Variants in LEUTX observed in about 807,000 individuals in gnomAD.
LEUTX encodes paired-like homeodomain transcription factor LEUTX.
In LEUTX, 5 loss-of-function variants were observed where a neutral mutation model predicts 4.5. The observed-to-expected ratio is 1.11, with a 90% CI of 0.58 to 2.34. LEUTX has a LOEUF of 2.34. Among genes scored for constraint, LEUTX ranks in the 30% most tolerant of loss-of-function variants. LEUTX has a pLI of 0.01. For synonymous variants in LEUTX, 89 were observed against 85.1 expected, an observed-to-expected ratio of 1.05 and a Z score of -0.25; for missense variants, 233 against 239.4, an observed-to-expected ratio of 0.97 and a Z score of 0.18.
intron 2 of LEUTX, 66 bp from the exon 3 acceptor site, chr19:39,785,632 A>C: frequency 7.8e-7 from 1 of 1,287,420 alleles, no homozygotes; most frequent in Non-Finnish European, 1.1e-6. Flanking sequence ...CGAATTCCTG[A>C]GGAACATGAG....
chr19:39,781,321 A>G (rs1967883431), intron 1 of LEUTX, among the ~76,000 whole-genome samples: 2 of 152,322 alleles, frequency 1.3e-5, no homozygotes, highest in African/African-American at 4.8e-5. Flanking sequence ...CATCCTGAAA[A>G]TAGAAACTTT....
At chr19:39,779,488 A>G (rs1013803375) in intron 1 of LEUTX, among the ~76,000 whole-genome samples, 2 of 152,132 alleles carry the variant, frequency 1.3e-5, no homozygotes, top group Non-Finnish European at 2.9e-5. Flanking sequence ...TTATATTTAT[A>G]TCATTTCCCA....
chr19:39,785,583 G>A, intron 2 of LEUTX, 115 bp from the exon 3 acceptor site: 2 of 780,712 alleles, frequency 2.6e-6, no homozygotes, highest in Non-Finnish European at 4.1e-6. Context: ...GGCTTCCCTT[G>A]TTCCAATAAA....
chr19:39,779,172 G>A (rs985506679), intron 1 of LEUTX, among the ~76,000 whole-genome samples: 2 of 152,010 alleles, frequency 1.3e-5, no homozygotes, highest in South Asian at 2.1e-4. Flanking sequence ...GGCTGGCCTC[G>A]AGCTCCTAGG....
intron 1 of LEUTX, among the ~76,000 whole-genome samples, chr19:39,784,312 A>AT (rs1022531479): frequency 1.3e-5 from 2 of 151,886 alleles, no homozygotes; most frequent in Non-Finnish European, 2.9e-5. Flanking sequence ...AACTAATGTG[A>AT]TTTTTTGGGG....
chr19:39,781,983 A>T (rs1343471283), intron 1 of LEUTX, among the ~76,000 whole-genome samples: 1 of 152,138 alleles, frequency 6.6e-6, no homozygotes, highest in East Asian at 1.9e-4. Flanking sequence ...CAGAGCTAGT[A>T]AATGAGAGAA....
chr19:39,780,294 T>C lies in LEUTX; in HGVS notation c.7+1367T>C, dbSNP rs73546621. On this transcript the variant is annotated intron_variant, in intron 1 of 2. Transcript: ENST00000638280. ...CCTCGATTTTACCTCCTATAACTTA[T>C]CAATGTGCAGTGTTGCTTTTCTAAA... 7.4e-3 allele frequency among the ~76,000 whole-genome samples: 1,131 copies of C among 152,286 alleles called. 18 individuals carry two copies. Among genetic ancestry groups the C allele is most frequent in the African/African-American group, 0.025 (1,027 of 41,562 alleles).
At chr19:39,784,742 C>A in intron 2 of LEUTX, 64 bp downstream of exon 2, 3 of 1,235,998 alleles carry the variant, frequency 2.4e-6, no homozygotes, top group Non-Finnish European at 3.5e-6. Flanking sequence ...CACTTTTGAT[C>A]ATTGTTATAA....
chr19:39,776,949 C>T (rs1237093820), upstream of LEUTX, among the ~76,000 whole-genome samples: 2 of 152,174 alleles, frequency 1.3e-5, no homozygotes, highest in African/African-American at 2.4e-5. Context: ...TGGCTTTGTC[C>T]TTCACTTGGA....
At chr19:39,779,176 T>A (rs909854661) in intron 1 of LEUTX, among the ~76,000 whole-genome samples, 2 of 152,144 alleles carry the variant, frequency 1.3e-5, no homozygotes, top group Non-Finnish European at 2.9e-5. Flanking sequence ...GGCCTCGAGC[T>A]CCTAGGCCCT....
chr19:39,779,643 C>T (rs149529257), intron 1 of LEUTX, among the ~76,000 whole-genome samples: 2 of 152,240 alleles, frequency 1.3e-5, no homozygotes, highest in East Asian at 3.9e-4. Flanking sequence ...TACCGTTGTA[C>T]AAATATTCTA....
intron 2 of LEUTX, 68 bp downstream of exon 2, chr19:39,784,746 G>T: frequency 3.4e-6 from 4 of 1,165,640 alleles, no homozygotes; most frequent in Non-Finnish European, 2.5e-6. Context: ...TTTGATCATT[G>T]TTATAACAGT....
upstream of LEUTX, among the ~76,000 whole-genome samples, chr19:39,777,819 G>A (rs1280092357): frequency 5.3e-5 from 8 of 152,268 alleles, no homozygotes; most frequent in African/African-American, 1.9e-4. Context: ...AAAACAAAAC[G>A]TAAAAAGATA....
upstream of LEUTX, among the ~76,000 whole-genome samples, chr19:39,777,080 A>T (rs1186369807): frequency 3.3e-5 from 5 of 152,002 alleles, no homozygotes; most frequent in African/African-American, 1.2e-4. Context: ...TGCACCTCAG[A>T]CATGAAAAGG....
chr19:39,779,718 A>G (rs752589957), intron 1 of LEUTX, among the ~76,000 whole-genome samples: 68 of 152,352 alleles, frequency 4.5e-4, no homozygotes, highest in Admixed American at 7.8e-4. Context: ...AACGTAGTTT[A>G]GAAGTATATT....
chr19:39,778,396 C>T (rs985748824), upstream of LEUTX, among the ~76,000 whole-genome samples: 2 of 151,956 alleles, frequency 1.3e-5, no homozygotes, highest in African/African-American at 2.4e-5. Flanking sequence ...GAGGTTGAAC[C>T]GAGATGGGCG....
At chr19:39,778,674 T>C (rs1401330716), upstream of LEUTX, among the ~76,000 whole-genome samples, 1 of 151,624 alleles carries the variant, frequency 6.6e-6, no homozygotes, top group East Asian at 1.9e-4. Context: ...TTTTTTTTTT[T>C]TTTTTTTTTT....
chr19:39,782,463 T>C (rs562741043), intron 1 of LEUTX, among the ~76,000 whole-genome samples: 1 of 152,304 alleles, frequency 6.6e-6, no homozygotes, highest in South Asian at 2.1e-4. Flanking sequence ...CTTTCCACCA[T>C]GATTGTGAGG....
chr19:39,776,471 A>C (rs1967795343), upstream of LEUTX: 1 of 375,922 alleles, frequency 2.7e-6, no homozygotes, highest in Non-Finnish European at 5.3e-6. Context: ...GCCGCACCAC[A>C]CAGAAGTTCT....
Sources: gnomAD v4.1 joint callset for allele counts (sites outside exome capture counted in the v4.1 genomes callset) on GRCh38, gnomAD v4.1.1 for gene constraint, MANE v1.5 for transcripts, NCBI Gene and HGNC (gene_info 2026-07-23, HGNC 2026-07-21) for gene names.